Variants in ZNF384 observed in about 807,000 individuals in gnomAD.
ZNF384 encodes the protein CAG repeat protein 1.
In ZNF384, 20 loss-of-function variants were observed where a neutral mutation model predicts 65.0. The ratio of observed to expected loss-of-function variants is 0.31; its 90% CI spans 0.22 to 0.45. ZNF384 has a LOEUF of 0.45. ZNF384 is among the 20% of genes least tolerant of loss of function. The pLI is 1.00. For missense variants in ZNF384, 549 were observed against 769.4 expected, an observed-to-expected ratio of 0.71 and a Z score of 3.39; for synonymous variants, 310 against 303.9, an observed-to-expected ratio of 1.02 and a Z score of -0.21.
intron 7 of ZNF384, among the ~76,000 whole-genome samples, chr12:6,674,171 A>G (rs890456236): frequency 3.3e-5 from 5 of 152,210 alleles, no homozygotes; most frequent in African/African-American, 1.2e-4. Context: ...AAATGATTAC[A>G]AAACACCTAT....
chr12:6,678,032 G>A lies in ZNF384; in HGVS notation c.686+95C>T, dbSNP rs1364104398. ...CTCAGAGCTGGGAAGCTGTCAGAGT[G>A]TAGCGCCTGACCGGGGCAGAACACA... is the stretch of plus-strand genomic sequence containing the variant. On this transcript the variant is annotated intron_variant, in intron 6 of 11. Transcript: ENST00000683879. The surrounding 1 kb of genome is among the most constrained non-coding windows in gnomAD (Gnocchi z 4.9). 1.2e-5 allele frequency: 14 copies of A among 1,203,128 alleles called. 1 individual carries two copies. Among genetic ancestry groups the A allele is most frequent in the Non-Finnish European group, 1.5e-5 (13 of 846,392 alleles). 74.5% of individuals were successfully genotyped at this position (1,203,128 alleles called of 1,614,324 possible).
In ZNF384 at chr12:6,672,392, T is replaced by G; in HGVS notation, c.1145A>C (p.Gln382Pro). ...GTGGGAGAGCTGGCGGAAGGCCTTCTGGCAGTAGGAACAGTTGTAGGGCTT... is the reference window on the plus strand; with the variant it reads ...GTGGGAGAGCTGGCGGAAGGCCTTCGGGCAGTAGGAACAGTTGTAGGGCTT... ...GAKPYNCSYC[Q>P]KAFRQLSHLQ... The change falls in exon 9 of 12, where the codon CAG (glutamine) becomes CCG (proline). Residue 382 changes from glutamine (Q) to proline (P), a missense_variant. Coordinates refer to ENST00000683879, the MANE Select transcript of ZNF384 (RefSeq NM_001385745.1). The surrounding 1 kb of genome is among the most constrained non-coding windows in gnomAD (Gnocchi z 4.4). 9 of 1,614,122 alleles carry G rather than the reference T, an allele frequency of 5.6e-6. No homozygotes were observed. The highest frequency in any genetic ancestry group is 7.6e-6 in the Non-Finnish European group (9 of 1,179,938).
chr12:6,672,155 T>C lies in ZNF384; in HGVS notation c.1187+195A>G. The C allele has an allele frequency of 1.7e-6, 1 of 595,138 alleles. No individual in the cohort carries two copies. Among genetic ancestry groups the C allele is most frequent in the Non-Finnish European group, 3.0e-6 (1 of 338,488 alleles). The allele number at this position is 595,138 out of a possible 1,614,324, so 36.9% of individuals were successfully genotyped here. A position where few individuals can be genotyped will look rare whatever the true frequency, so the allele number is the denominator to read the frequency against. ...TCACTGCAGCTCCCCGACGTAGCTC[T>C]TGCCCCAGAGAAGCTCTGTGTCCAC... On this transcript the variant is annotated intron_variant, in intron 9 of 11. Coordinates refer to ENST00000683879, the MANE Select transcript of ZNF384 (RefSeq NM_001385745.1). The surrounding 1 kb of genome is among the most constrained non-coding windows in gnomAD (Gnocchi z 4.4).
rs1423410951 is a variant in ZNF384, at chr12:6,673,327, T to C, written c.893A>G (p.Asn298Ser). 1 of 1,613,764 alleles carries C rather than the reference T, an allele frequency of 6.2e-7. No homozygotes were observed. Among genetic ancestry groups the C allele is most frequent in the Middle Eastern group, 1.6e-4 (1 of 6,062 alleles). ...GATGTGCTGGGCCAGGTAGGAGCTG[T>C]TGGCGAAGGTCTTGGAGCAATGTGG... is the stretch of plus-strand genomic sequence containing the variant. ...KCPHCSKTFANSSYLAQHIRI... is the reference protein window; with the variant it reads ...KCPHCSKTFASSSYLAQHIRI... Residue 298 changes from asparagine to serine, a missense_variant, in exon 8 of 12, where the codon AAC (asparagine) becomes AGC (serine). Transcript: ENST00000683879. The surrounding 1 kb of genome is among the most constrained non-coding windows in gnomAD (Gnocchi z 4.7).
intron 2 of ZNF384, among the ~76,000 whole-genome samples, chr12:6,683,008 A>G (rs1236098950): frequency 2.6e-5 from 4 of 152,162 alleles, no homozygotes; most frequent in African/African-American, 9.7e-5. Context: ...TAAGATGGAG[A>G]GAATGGGTGT....
rs1950083936 is a variant in ZNF384, at chr12:6,667,768, G to A, written c.1773C>T (p.Ile591=). 2.5e-6 allele frequency: 4 copies of A among 1,614,238 alleles called. No homozygotes were observed. The highest frequency in any genetic ancestry group is 3.4e-6 in the Non-Finnish European group (4 of 1,180,038). ...PYKTAEHHKD[I]CLTVTTSTIQ... is the part of the protein sequence containing the mutation. Reference sequence around the variant, plus strand: ...TGGTGCTGGTGGTGACAGTGAGGCAGATGTCCTTATGATGCTCCGCCGTCT... The same window carrying A: ...TGGTGCTGGTGGTGACAGTGAGGCAAATGTCCTTATGATGCTCCGCCGTCT... The change falls in exon 12 of 12, where the codon ATC becomes ATT. Residue 591 remains isoleucine (I), a synonymous_variant. Transcript: ENST00000683879.
intron 7 of ZNF384, among the ~76,000 whole-genome samples, chr12:6,675,904 T>C (rs1953340375): frequency 6.6e-6 from 1 of 151,910 alleles, no homozygotes; most frequent in Admixed American, 6.6e-5. Flanking sequence ...TTGACCAGAG[T>C]AACAGAACCC....
In ZNF384 at chr12:6,672,529, G is replaced by C. The variant is rs761443488; in HGVS notation, c.1008C>G (p.Ile336Met). ...TGGTCTCCGTGTGCATCTTGGAGTGGATCCTGCCGGAGAGGAGAGGAGGGA... is the reference window on the plus strand; with the variant it reads ...TGGTCTCCGTGTGCATCTTGGAGTGCATCCTGCCGGAGAGGAGAGGAGGGA... ...QLSHLQQHTR[I>M]HSKMHTETIK... Residue 336 changes from isoleucine to methionine, a missense_variant, in exon 9 of 12, where the codon ATC (isoleucine) becomes ATG (methionine). Physicochemically the swap from Ile to Met is conservative, Grantham distance 10. This residue lies in a region of ZNF384 where 59 missense variants were observed against 63.6 expected (regional missense o/e 0.93). Coordinates refer to ENST00000683879, the MANE Select transcript of ZNF384 (RefSeq NM_001385745.1). This position sits in a 1 kb window ranked among gnomAD's most constrained non-coding sequence, Gnocchi z 4.4. The C allele has an allele frequency of 2.5e-6, 4 of 1,613,866 alleles. No homozygotes were observed. In the African/African-American group the frequency reaches 4.0e-5, roughly 16 times the overall value.
At position 6,678,111 on chromosome 12, in the gene ZNF384, T is replaced by G. The variant is rs748599754; in HGVS notation, c.686+16A>C. On this transcript the variant is annotated intron_variant, in intron 6 of 11. Transcript: ENST00000683879. The surrounding 1 kb of genome is among the most constrained non-coding windows in gnomAD (Gnocchi z 4.9). The stretch of plus-strand genomic sequence containing the variant: ...AGGGATCCTCGCCCCATCCTGCCCC[T>G]GGCTCTGAGTCTTACCTGTAGGTCT... The G allele has an allele frequency of 1.9e-6, 3 of 1,600,192 alleles. No individual in the cohort carries two copies. The highest frequency in any genetic ancestry group is 8.5e-7 in the Non-Finnish European group (1 of 1,170,256).
intron 9 of ZNF384, chr12:6,671,755 C>T (rs1951583269): frequency 2.0e-5 from 3 of 152,684 alleles, no homozygotes; most frequent in Admixed American, 6.5e-5. Context: ...TTCCTAGTCA[C>T]TCCAGATTCA....
chr12:6,668,249 C>A, intron 11 of ZNF384, 134 bp from the exon 12 acceptor site: 2 of 897,866 alleles, frequency 2.2e-6, no homozygotes, highest in South Asian at 1.8e-5. Flanking sequence ...CAAGACTGAG[C>A]AAAACTCAAG....
At chr12:6,671,768 G>C (rs1335479547) in intron 9 of ZNF384, 2 of 152,568 alleles carry the variant, frequency 1.3e-5, no homozygotes, top group Non-Finnish European at 2.9e-5. Context: ...CAGATTCACG[G>C]GATAAACACT....
chr12:6,673,248 G>C lies in ZNF384; in HGVS notation c.972C>G (p.Phe324Leu). ...PYSCNFCEKS[F>L]RQLSHLQQHT... Reference sequence around the variant, plus strand: ...GCTGCTGAAGGTGGGAGAGCTGGCGGAAGGATTTCTCACAGAAGTTACAAC... The same window carrying C: ...GCTGCTGAAGGTGGGAGAGCTGGCGCAAGGATTTCTCACAGAAGTTACAAC... Residue 324 changes from phenylalanine (F) to leucine (L), a missense_variant, in exon 8 of 12, where the codon TTC (phenylalanine) becomes TTG (leucine). Physicochemically the swap from Phe to Leu is conservative, Grantham distance 22 (BLOSUM62 0). Transcript: ENST00000683879. The surrounding 1 kb of genome is among the most constrained non-coding windows in gnomAD (Gnocchi z 4.7). 6.2e-7 allele frequency: 1 copy of C among 1,614,154 alleles called. No individual in the cohort carries two copies.
intron 2 of ZNF384, among the ~76,000 whole-genome samples, chr12:6,683,763 A>T (rs1956957007): frequency 6.6e-6 from 1 of 152,150 alleles, no homozygotes; most frequent in South Asian, 2.1e-4. Flanking sequence ...TCATGCCTGC[A>T]ATCCCAGCAC....
chr12:6,676,819 AG>A (rs1235521418), intron 7 of ZNF384, among the ~76,000 whole-genome samples: 1 of 152,222 alleles, frequency 6.6e-6, no homozygotes, highest in Non-Finnish European at 1.5e-5. Flanking sequence ...AACATTTTCC[AG>A]GAACACTTTT....
Position 6,678,966 on chromosome 12 carries a change from G to T in ZNF384, c.284C>A (p.Ser95Tyr). 1 of 1,613,946 alleles carries T rather than the reference G, an allele frequency of 6.2e-7. No individual in the cohort carries two copies. The highest frequency in any genetic ancestry group is 8.5e-7 in the Non-Finnish European group (1 of 1,179,932). ...TQNITVVPVP[S>Y]TGLMTAGVSC... ...CTCACCAGCAGTCATCAGTCCTGTAGACGGCACAGGGACCACCGTGATATT... is the reference window on the plus strand; with the variant it reads ...CTCACCAGCAGTCATCAGTCCTGTATACGGCACAGGGACCACCGTGATATT... The change falls in exon 4 of 12, where the codon TCT (serine) becomes TAT (tyrosine). Residue 95 changes from serine (S) to tyrosine (Y), a missense_variant. By Grantham distance (144) the Ser-to-Tyr change is moderately radical (BLOSUM62 -2). This residue lies in a region of ZNF384 where 277 missense variants were observed against 337.2 expected (regional missense o/e 0.82). Transcript: ENST00000683879. The surrounding 1 kb of genome is among the most constrained non-coding windows in gnomAD (Gnocchi z 4.9).
At chr12:6,684,402 T>C (rs1400192529) in intron 2 of ZNF384, among the ~76,000 whole-genome samples, 3 of 152,376 alleles carry the variant, frequency 2.0e-5, no homozygotes, top group South Asian at 4.1e-4. Flanking sequence ...TTGAAGTTTT[T>C]GATAACAGCA....
intron 2 of ZNF384, among the ~76,000 whole-genome samples, chr12:6,684,290 G>A (rs1281857659): frequency 6.6e-6 from 1 of 152,114 alleles, no homozygotes; most frequent in East Asian, 1.9e-4. Flanking sequence ...TATAACTGTA[G>A]TACACACTTT....
chr12:6,687,649 T>C (rs1186988321), intron 2 of ZNF384, among the ~76,000 whole-genome samples: 1 of 152,162 alleles, frequency 6.6e-6, no homozygotes, highest in Non-Finnish European at 1.5e-5. Flanking sequence ...CAGTTTTTTT[T>C]TTCCCCTGAA....
Sources: allele counts gnomAD v4.1 joint callset (sites outside exome capture counted in the v4.1 genomes callset), GRCh38; gene constraint gnomAD v4.1.1; regional missense constraint gnomAD v4.1.1; non-coding constraint Gnocchi (gnomAD v3.1); transcripts MANE v1.5; gene names NCBI Gene and HGNC (gene_info 2026-07-23, HGNC 2026-07-21).